The following LYST variants were observed in gnomAD, a reference collection of about 807,000 sequenced individuals.
LYST encodes lysosomal-trafficking regulator.
LYST carries 192 observed loss-of-function variants against 413.6 expected under a neutral mutation model. The observed-to-expected ratio is 0.46, with a 90% CI of 0.41 to 0.52. LYST has a LOEUF of 0.52. LYST is among the 20% of genes least tolerant of loss of function. The probability of loss-of-function intolerance (pLI) is 0.00; values close to 1 mark genes in which losing one functional copy is unlikely to be tolerated. For missense variants in LYST, 3,815 were observed against 4,499.9 expected, an observed-to-expected ratio of 0.85 and a Z score of 4.35; for synonymous variants, 1,525 against 1,567.3, an observed-to-expected ratio of 0.97 and a Z score of 0.64.
At chr1:235,718,838 C>A (rs1663079065) in intron 40 of LYST, among the ~76,000 whole-genome samples, 1 of 152,196 alleles carries the variant, frequency 6.6e-6, no homozygotes, top group African/African-American at 2.4e-5. Context: ...CCTATTACCT[C>A]TAATGGGACC....
chr1:235,797,934 G>GA (rs1671732913), intron 10 of LYST, among the ~76,000 whole-genome samples: 1 of 151,924 alleles, frequency 6.6e-6, no homozygotes, highest in Admixed American at 6.6e-5. Flanking sequence ...AACAAAAAAA[G>GA]AAACAACCCA....
At position 235,759,118 on chromosome 1, in the gene LYST, G is replaced by C. The variant is rs202226437; in HGVS notation, c.6735C>G (p.Ser2245Arg). ...SFQRSHSTIA[S>R]LGLAFPSQNG... ...TCTGTGAAGGAAAAGCTAGCCCAAG[G>C]CTTGCAATAGTGCTGTGGCTTCGCT... Residue 2245 changes from serine to arginine, a missense_variant, in exon 23 of 53, where the codon AGC (serine) becomes AGG (arginine). Physicochemically the swap from Ser to Arg is moderately radical, Grantham distance 110. Coordinates refer to ENST00000389793, the MANE Select transcript of LYST (RefSeq NM_000081.4). 2 of 1,614,186 alleles carry C rather than the reference G, an allele frequency of 1.2e-6. No homozygotes were observed. Among genetic ancestry groups the C allele is most frequent in the East Asian group, 2.2e-5 (1 of 44,886 alleles).
chr1:235,822,633 GAAT>G (rs1026580091), intron 3 of LYST, among the ~76,000 whole-genome samples: 1 of 152,206 alleles, frequency 6.6e-6, no homozygotes, highest in African/African-American at 2.4e-5. Flanking sequence ...AGTGTAGGAG[GAAT>G]AATAATAATT....
chr1:235,783,101 G>T (rs1466781400), intron 14 of LYST, among the ~76,000 whole-genome samples: 2 of 152,170 alleles, frequency 1.3e-5, no homozygotes, highest in African/African-American at 4.8e-5. Flanking sequence ...TCCATTTTAA[G>T]ATAATGAGAG....
intron 7 of LYST, 27 bp from the exon 8 acceptor site, chr1:235,803,091 G>A (rs1443810640): frequency 1.9e-6 from 3 of 1,588,532 alleles, no homozygotes; most frequent in Non-Finnish European, 1.7e-6. Flanking sequence ...TTCAAAGGTT[G>A]TAACATTTGC....
At chr1:235,663,465 A>G (rs1658190672) in intron 52 of LYST, among the ~76,000 whole-genome samples, 1 of 152,216 alleles carries the variant, frequency 6.6e-6, no homozygotes, top group East Asian at 1.9e-4. Flanking sequence ...TTATGGCTAT[A>G]TATTATTTCC....
intron 23 of LYST, 45 bp from the exon 24 acceptor site, chr1:235,757,503 T>A (rs765872455): frequency 7.2e-7 from 1 of 1,397,896 alleles, no homozygotes; most frequent in East Asian, 2.3e-5. Context: ...ACAAGAAAAG[T>A]ACTTGATGAT....
At position 235,806,711 on chromosome 1, in the gene LYST, A is replaced by G. The variant is rs764531464; in HGVS notation, c.2425T>C (p.Leu809=). The change falls in exon 6 of 53, where the codon TTA becomes CTA. Residue 809 remains leucine (L), a synonymous_variant. Coordinates refer to ENST00000389793, the MANE Select transcript of LYST (RefSeq NM_000081.4). ...AGAGAATGACTTCGAATACCATTTA[A>G]GCAATTTAATTCGATTATTTGACTT... ...GVSQIIELNC[L]NGIRSHSLKA... 2 of 1,613,318 alleles carry G rather than the reference A, an allele frequency of 1.2e-6. No homozygotes were observed. The highest frequency in any genetic ancestry group is 2.7e-5 in the African/African-American group (2 of 74,926).
chr1:235,730,832 T>A lies in LYST; in HGVS notation c.9044+15A>T, dbSNP rs765898748. 1.4e-6 allele frequency: 2 copies of A among 1,452,784 alleles called. No homozygotes were observed. The highest frequency in any genetic ancestry group is 9.7e-7 in the Non-Finnish European group (1 of 1,033,220). 90.0% of individuals were successfully genotyped at this position (1,452,784 alleles called of 1,614,324 possible). Reference sequence around the variant, plus strand: ...ATATTCATGAAAGAGTGAAGGTCTATTGATTCAAAGTTACCTTATAGATTC... The same window carrying A: ...ATATTCATGAAAGAGTGAAGGTCTAATGATTCAAAGTTACCTTATAGATTC... On this transcript the variant is annotated intron_variant, in intron 36 of 52. Transcript: ENST00000389793.
intron 52 of LYST, among the ~76,000 whole-genome samples, chr1:235,663,676 T>C (rs1203849706): frequency 6.6e-6 from 1 of 152,192 alleles, no homozygotes; most frequent in Non-Finnish European, 1.5e-5. Flanking sequence ...CCTGCAGCTA[T>C]CAATCACCAT....
At chr1:235,802,610 A>G (rs952117930) in intron 8 of LYST, among the ~76,000 whole-genome samples, 5 of 152,148 alleles carry the variant, frequency 3.3e-5, no homozygotes, top group Admixed American at 6.6e-5. Flanking sequence ...ATCGATTTCT[A>G]TTTTATTATC....
intron 31 of LYST, 89 bp from the exon 32 acceptor site, chr1:235,734,748 T>G: frequency 1.2e-6 from 1 of 847,802 alleles, no homozygotes; most frequent in Non-Finnish European, 1.8e-6. Flanking sequence ...TATTGCTAGA[T>G]TTATTTGGTT....
chr1:235,667,280 T>C (rs1231365468), intron 50 of LYST, among the ~76,000 whole-genome samples: 3 of 152,192 alleles, frequency 2.0e-5, no homozygotes, highest in Non-Finnish European at 2.9e-5. Context: ...TATCTTGCCA[T>C]TGGCAACAGA....
intron 17 of LYST, among the ~76,000 whole-genome samples, chr1:235,776,334 C>T (rs544149364): frequency 4.1e-4 from 63 of 152,122 alleles, no homozygotes; most frequent in Non-Finnish European, 6.3e-4. Flanking sequence ...AATTAATCAA[C>T]GATGCTTCCA....
intron 48 of LYST, among the ~76,000 whole-genome samples, chr1:235,682,739 A>G (rs1173399635): frequency 6.6e-6 from 1 of 152,268 alleles, no homozygotes; most frequent in East Asian, 1.9e-4. Context: ...CAAAGTAAGC[A>G]GTCAGTAAAT....
intron 1 of LYST, among the ~76,000 whole-genome samples, chr1:235,882,807 A>G (rs193062638): frequency 6.6e-6 from 1 of 152,340 alleles, no homozygotes; most frequent in East Asian, 1.9e-4. Flanking sequence ...AACATCCCAC[A>G]TGAGTCCATC....
intron 25 of LYST, among the ~76,000 whole-genome samples, chr1:235,753,504 T>C (rs1259661583): frequency 6.6e-6 from 1 of 152,208 alleles, no homozygotes; most frequent in African/African-American, 2.4e-5. Context: ...AAGTGAAATA[T>C]GCATACAATT....
intron 21 of LYST, among the ~76,000 whole-genome samples, chr1:235,765,105 T>C (rs952954938): frequency 1.3e-5 from 2 of 152,216 alleles, no homozygotes; most frequent in Non-Finnish European, 2.9e-5. Flanking sequence ...GACAGCTCCT[T>C]ATAACCTACC....
chr1:235,798,257 A>G (rs1184214250), intron 10 of LYST, among the ~76,000 whole-genome samples: 1 of 152,160 alleles, frequency 6.6e-6, no homozygotes, highest in Non-Finnish European at 1.5e-5. Flanking sequence ...TGAACAGAAA[A>G]AGGACATTAA....
Sources: allele counts gnomAD v4.1 joint callset (sites outside exome capture counted in the v4.1 genomes callset), GRCh38; gene constraint gnomAD v4.1.1; transcripts MANE v1.5; gene names NCBI Gene and HGNC (gene_info 2026-07-23, HGNC 2026-07-21).